The following RBM47 variants were observed in gnomAD, a reference collection of about 807,000 sequenced individuals.
RBM47 encodes the protein RNA-binding protein 47.
A neutral mutation model predicts 47.1 loss-of-function variants in RBM47; 21 were observed. The ratio of observed to expected loss-of-function variants is 0.45; its 90% CI spans 0.32 to 0.64. RBM47 has a LOEUF of 0.64. Ranked by LOEUF, RBM47 falls within the 30% of genes least tolerant of loss-of-function variation. The probability of loss-of-function intolerance (pLI) is 0.05; values close to 1 mark genes in which losing one functional copy is unlikely to be tolerated. For missense variants in RBM47, 708 were observed against 870.9 expected (o/e 0.81, Z 2.35); for synonymous variants, 375 against 361.7 (o/e 1.04, Z -0.42).
chr4:40,440,504 G>A (rs1713454709), intron 3 of RBM47, among the ~76,000 whole-genome samples: 2 of 152,042 alleles, frequency 1.3e-5, no homozygotes, highest in African/African-American at 2.4e-5. Flanking sequence ...AAATTTCAAG[G>A]ATAATAAAAA....
At chr4:40,492,080 G>GAAGGAAAAAAAAAAA (rs58882274) in intron 2 of RBM47, 1 of 141,248 alleles carries the variant, frequency 7.1e-6, no homozygotes, top group African/African-American at 2.7e-5. Flanking sequence ...AACCTGAACT[G>GAAGGAAAAAAAAAAA]AAAAAAGGCT....
At chr4:40,453,859 A>T (rs1715823920) in intron 3 of RBM47, among the ~76,000 whole-genome samples, 1 of 150,912 alleles carries the variant, frequency 6.6e-6, no homozygotes. Context: ...TTAAAAAAAG[A>T]AAGAAATAAT....
intron 2 of RBM47, among the ~76,000 whole-genome samples, chr4:40,530,291 AATT>A (rs1171705336): frequency 1.3e-5 from 2 of 151,192 alleles, no homozygotes; most frequent in African/African-American, 4.9e-5. Flanking sequence ...ATTTTAATTA[AATT>A]ATTATTATTT....
intron 6 of RBM47, among the ~76,000 whole-genome samples, chr4:40,427,881 T>C (rs1715284927): frequency 6.6e-6 from 1 of 151,918 alleles, no homozygotes; most frequent in South Asian, 2.1e-4. Flanking sequence ...ATAATTATAA[T>C]GATAATTATA....
intron 2 of RBM47, among the ~76,000 whole-genome samples, chr4:40,527,245 C>T (rs901703346): frequency 6.6e-6 from 1 of 151,792 alleles, no homozygotes; most frequent in Non-Finnish European, 1.5e-5. Flanking sequence ...ACCTCAGCCT[C>T]CCAAGTAGCT....
At chr4:40,569,356 G>C (rs1731448326) in intron 1 of RBM47, among the ~76,000 whole-genome samples, 1 of 151,536 alleles carries the variant, frequency 6.6e-6, no homozygotes, top group African/African-American at 2.4e-5. Context: ...CAAAAGAGTA[G>C]AACGAGAGCA....
chr4:40,570,620 GC>G (rs1237074320), intron 1 of RBM47, among the ~76,000 whole-genome samples: 6 of 151,952 alleles, frequency 3.9e-5, no homozygotes, highest in Admixed American at 6.6e-5. Flanking sequence ...CGTTCCTGAA[GC>G]AGAAGGAAAA....
rs1052768332 is a variant in RBM47 at position 40,425,126 on chromosome 4, G to A, written c.*778C>T. The A allele has an allele frequency of 6.6e-6, 1 of 152,632 alleles. No individual in the cohort carries two copies. The highest frequency in any genetic ancestry group is 6.5e-5 in the Admixed American group (1 of 15,286). 9.5% of individuals were successfully genotyped at this position (152,632 alleles called of 1,614,324 possible). Reference sequence around the variant, plus strand: ...GTGGGATTGGGAATCTGGGGAGGAGGGGACAGGGTGAGAGATGTGGGAGTG... The same window carrying A: ...GTGGGATTGGGAATCTGGGGAGGAGAGGACAGGGTGAGAGATGTGGGAGTG... On this transcript the variant is annotated 3_prime_UTR_variant, in exon 7 of 7. Transcript: ENST00000295971.
At chr4:40,428,193 C>CAAACA (rs71196867) in intron 6 of RBM47, among the ~76,000 whole-genome samples, 35,465 of 149,008 alleles carry the variant, frequency 0.24, 4,246 homozygotes, top group African/African-American at 0.25. Context: ...GACCTTGTCT[C>CAAACA]AAACAAAACA....
intron 1 of RBM47, among the ~76,000 whole-genome samples, chr4:40,570,516 C>T (rs917134367): frequency 6.6e-6 from 1 of 151,934 alleles, no homozygotes; most frequent in African/African-American, 2.4e-5. Flanking sequence ...CGATGGGGAA[C>T]GACTGTAAAT....
intron 3 of RBM47, among the ~76,000 whole-genome samples, chr4:40,451,656 C>G (rs1715462373): frequency 6.6e-6 from 1 of 152,132 alleles, no homozygotes; most frequent in Non-Finnish European, 1.5e-5. Context: ...AGTCAATTCA[C>G]TGGTACTAAA....
At chr4:40,536,436 G>A (rs1041427625) in intron 2 of RBM47, among the ~76,000 whole-genome samples, 2 of 152,034 alleles carry the variant, frequency 1.3e-5, no homozygotes, top group African/African-American at 2.4e-5. Flanking sequence ...TACCAATTTC[G>A]GCTTCATAAC....
chr4:40,436,199 C>CA (rs762208788), intron 5 of RBM47, among the ~76,000 whole-genome samples: 14,190 of 69,348 alleles, frequency 0.2, 748 homozygotes, highest in Non-Finnish European at 0.29. Flanking sequence ...AACAAACAAA[C>CA]AAACAAAAAA....
At chr4:40,526,917 G>A (rs147798826) in intron 2 of RBM47, among the ~76,000 whole-genome samples, 136 of 151,002 alleles carry the variant, frequency 9.0e-4, no homozygotes, top group Non-Finnish European at 1.5e-3. Flanking sequence ...AATGGAAAAG[G>A]GCTGGCAGCA....
At chr4:40,459,829 G>A (rs1716839287) in intron 3 of RBM47, among the ~76,000 whole-genome samples, 1 of 152,114 alleles carries the variant, frequency 6.6e-6, no homozygotes, top group Middle Eastern at 3.2e-3. Context: ...GCTCACCACA[G>A]CCTCTGCCTC....
At chr4:40,554,388 A>C (rs1159319048) in intron 1 of RBM47, among the ~76,000 whole-genome samples, 1 of 147,688 alleles carries the variant, frequency 6.8e-6, no homozygotes, top group Non-Finnish European at 1.5e-5. Context: ...AAAAAGTGGG[A>C]TATGCAAAGC....
At chr4:40,434,253 A>G (rs1231783279) in intron 5 of RBM47, among the ~76,000 whole-genome samples, 1 of 152,112 alleles carries the variant, frequency 6.6e-6, no homozygotes, top group Non-Finnish European at 1.5e-5. Flanking sequence ...CATATCTTCC[A>G]CTGGTCTTGT....
intron 2 of RBM47, among the ~76,000 whole-genome samples, chr4:40,481,412 A>T (rs1358436760): frequency 1.4e-5 from 2 of 148,024 alleles, no homozygotes; most frequent in Non-Finnish European, 3.0e-5. Context: ...AGCTGGGACT[A>T]CAGGTGAATG....
At chr4:40,618,621 C>A (rs1376746490) in intron 1 of RBM47, among the ~76,000 whole-genome samples, 1 of 150,784 alleles carries the variant, frequency 6.6e-6, no homozygotes, top group Non-Finnish European at 1.5e-5. Context: ...CCAGCCTGAC[C>A]AACATGGTGA....
Sources: gnomAD v4.1 joint callset for allele counts (sites outside exome capture counted in the v4.1 genomes callset) on GRCh38, gnomAD v4.1.1 for gene constraint, MANE v1.5 for transcripts, NCBI Gene and HGNC (gene_info 2026-07-23, HGNC 2026-07-21) for gene names.